GINS3: variants seen among roughly 807,000 people sequenced by gnomAD.
GINS3 encodes DNA replication complex GINS protein PSF3.
GINS3 carries 18 observed loss-of-function variants against 20.0 expected under a neutral mutation model. The ratio of observed to expected loss-of-function variants is 0.90; its 90% CI spans 0.62 to 1.33. The LOEUF is 1.33. Among genes scored for constraint, GINS3 ranks in the 40% most tolerant of loss-of-function variants. GINS3 has a pLI of 0.00. For synonymous variants in GINS3, 109 were observed against 107.0 expected, an observed-to-expected ratio of 1.02 and a Z score of -0.12; for missense variants, 254 against 273.6, an observed-to-expected ratio of 0.93 and a Z score of 0.51.
Position 58,392,652 on chromosome 16 carries a change from G to C in GINS3, c.51G>C (p.Glu17Asp). Reference protein sequence around the residue: ...RVESGALGPEENFLSLDDILM... With the variant: ...RVESGALGPEDNFLSLDDILM... ...AGTCGGGTGCGCTGGGGCCTGAGGA[G>C]AACTTTCTTTCTTTGGACGACATCC... Residue 17 changes from glutamate to aspartate, a missense_variant, in exon 1 of 3, where the codon GAG becomes GAC. Glu to Asp is a conservative substitution (Grantham distance 45). Coordinates refer to ENST00000318129, the MANE Select transcript of GINS3 (RefSeq NM_022770.4). 1.2e-6 allele frequency: 2 copies of C among 1,614,250 alleles called. No individual in the cohort carries two copies. The highest frequency in any genetic ancestry group is 8.5e-7 in the Non-Finnish European group (1 of 1,180,042).
At chr16:58,396,442 T>C (rs1240455361) in intron 1 of GINS3, among the ~76,000 whole-genome samples, 5 of 83,714 alleles carry the variant, frequency 6.0e-5, no homozygotes, top group Non-Finnish European at 9.3e-5. Flanking sequence ...GCAGAGGGGC[T>C]CCTCACTTCC....
At chr16:58,396,608 C>T (rs1314623509) in intron 1 of GINS3, among the ~76,000 whole-genome samples, 1 of 10,194 alleles carries the variant, frequency 9.8e-5, no homozygotes, top group Non-Finnish European at 1.8e-4. Context: ...GCTGGCCGGG[C>T]GGGGGGCTGA....
chr16:58,397,280 A>C (rs570684352), intron 1 of GINS3, among the ~76,000 whole-genome samples: 35 of 146,830 alleles, frequency 2.4e-4, no homozygotes, highest in African/African-American at 8.7e-4. Flanking sequence ...CCCACATCTC[A>C]GACGATGGGC....
chr16:58,401,533 C>T (rs991944851), intron 1 of GINS3, among the ~76,000 whole-genome samples: 1 of 152,084 alleles, frequency 6.6e-6, no homozygotes, highest in Non-Finnish European at 1.5e-5. Flanking sequence ...CTGATTGGTC[C>T]GTTTTACAGA....
intron 1 of GINS3, among the ~76,000 whole-genome samples, chr16:58,402,501 G>A (rs1293436994): frequency 6.6e-6 from 1 of 152,142 alleles, no homozygotes; most frequent in African/African-American, 2.4e-5. Flanking sequence ...ATTCAATCCA[G>A]TTGTTTGCCT....
intron 1 of GINS3, among the ~76,000 whole-genome samples, chr16:58,397,860 A>G (rs550027432): frequency 1.8e-4 from 27 of 151,960 alleles, no homozygotes; most frequent in Non-Finnish European, 3.7e-4. Flanking sequence ...GAGCTTGTCT[A>G]AATTTTCAAT....
chr16:58,395,260 T>TG (rs1400191243), intron 1 of GINS3: 8 of 381,644 alleles, frequency 2.1e-5, no homozygotes, highest in Non-Finnish European at 3.2e-5. Context: ...ATTTTTTTTT[T>TG]GTCTAAATTT....
chr16:58,400,592 C>T (rs1450638507), intron 1 of GINS3, among the ~76,000 whole-genome samples: 1 of 152,224 alleles, frequency 6.6e-6, no homozygotes. Flanking sequence ...CAAGGGCCAA[C>T]CTTGCAGCAG....
intron 1 of GINS3, among the ~76,000 whole-genome samples, chr16:58,395,996 G>A (rs1965850313): frequency 6.7e-6 from 1 of 149,652 alleles, no homozygotes; most frequent in African/African-American, 2.5e-5. Flanking sequence ...CAGGGCGGCT[G>A]GCTGGGCAGA....
chr16:58,396,919 GCGGC>G (rs1965880020), intron 1 of GINS3, among the ~76,000 whole-genome samples: 1 of 150,126 alleles, frequency 6.7e-6, no homozygotes, highest in African/African-American at 2.5e-5. Context: ...CCCGGACGGG[GCGGC>G]TGGCCGGGCA....
At chr16:58,396,662 G>A (rs1250526013) in intron 1 of GINS3, among the ~76,000 whole-genome samples, 1 of 115,588 alleles carries the variant, frequency 8.7e-6, no homozygotes, top group Non-Finnish European at 1.8e-5. Context: ...GCCGGGCGGT[G>A]GGCTGACCCC....
chr16:58,400,978 C>G (rs1384619919), intron 1 of GINS3, among the ~76,000 whole-genome samples: 1 of 151,928 alleles, frequency 6.6e-6, no homozygotes. Context: ...CTATGCCTGG[C>G]TAATTTTTGT....
chr16:58,404,765 T>C lies in GINS3; in HGVS notation c.*36T>C. 4.2e-6 allele frequency: 6 copies of C among 1,442,474 alleles called. No individual in the cohort carries two copies. Among genetic ancestry groups the C allele is most frequent in the Non-Finnish European group, 5.8e-6 (6 of 1,032,904 alleles). 89.4% of individuals were successfully genotyped at this position (1,442,474 alleles called of 1,614,324 possible). A position where few individuals can be genotyped will look rare whatever the true frequency, so the allele number is the denominator to read the frequency against. ...AACACAGAATGGCTCCTCACAGACG[T>C]ATCCCTCCGTGTGTCCTTGATAGGA... is the stretch of plus-strand genomic sequence containing the variant. On this transcript the variant is annotated 3_prime_UTR_variant, in exon 3 of 3. Coordinates refer to ENST00000318129, the MANE Select transcript of GINS3 (RefSeq NM_022770.4).
rs1001649055 is a variant in GINS3, at chr16:58,403,492, TATACACAC to T, written c.420+163_420+170del. ...TCTGTCCATTTTATATATTTACATA[TATACACAC>T]ACACACACACACACACACACATTTT... On this transcript the variant is annotated intron_variant, in intron 2 of 2. Transcript: ENST00000318129. 10 of 594,032 alleles carry T rather than the reference TATACACAC, an allele frequency of 1.7e-5. No homozygotes were observed. The African/African-American group carries it at 1.7e-4, about 10-fold the overall frequency. 36.8% of individuals were successfully genotyped at this position (594,032 alleles called of 1,614,324 possible).
In GINS3 at chr16:58,405,836, C is replaced by A. The variant is rs1184330140; in HGVS notation, c.*1107C>A. 1 of 152,220 alleles carries A rather than the reference C, an allele frequency of 6.6e-6. No homozygotes were observed. Among genetic ancestry groups the A allele is most frequent in the Non-Finnish European group, 1.5e-5 (1 of 68,048 alleles). 9.4% of individuals were successfully genotyped at this position (152,220 alleles called of 1,614,324 possible). ...GCAGGGCATCACTGCTTCCCCCTGACACCTCACAACTAGCAAAAATTGTCT... is the reference window on the plus strand; with the variant it reads ...GCAGGGCATCACTGCTTCCCCCTGAAACCTCACAACTAGCAAAAATTGTCT... On this transcript the variant is annotated 3_prime_UTR_variant, in exon 3 of 3. Coordinates refer to ENST00000318129, the MANE Select transcript of GINS3 (RefSeq NM_022770.4).
intron 2 of GINS3, 147 bp from the exon 3 acceptor site, chr16:58,404,352 T>G: frequency 1.6e-6 from 1 of 621,958 alleles, no homozygotes; most frequent in Non-Finnish European, 2.9e-6. Flanking sequence ...ATAACTTACT[T>G]GGGTGCTAGA....
chr16:58,400,176 T>G (rs1191854069), intron 1 of GINS3, among the ~76,000 whole-genome samples: 1 of 152,182 alleles, frequency 6.6e-6, no homozygotes, highest in Admixed American at 6.5e-5. Flanking sequence ...CAGCATATAG[T>G]CACACTCATG....
chr16:58,397,145 C>T (rs1191828579), intron 1 of GINS3, among the ~76,000 whole-genome samples: 15 of 151,150 alleles, frequency 9.9e-5, no homozygotes, highest in African/African-American at 3.7e-4. Flanking sequence ...AGCTGCCGGG[C>T]GGAGGGGCTC....
In GINS3 at chr16:58,395,272, CTTT is replaced by C. The variant is rs111843649; in HGVS notation, c.186+2497_186+2499del. 2.3e-3 allele frequency: 525 copies of C among 229,338 alleles called. 1 individual carries two copies. Among genetic ancestry groups the C allele is most frequent in the African/African-American group, 0.014 (398 of 28,270 alleles). 14.2% of individuals were successfully genotyped at this position (229,338 alleles called of 1,614,324 possible). ...TGTATTTTTTTTTTGTCTAAATTTT[CTTT>C]TTTTTTTTTTTCTATTTGTACATTT... On this transcript the variant is annotated intron_variant, in intron 1 of 2. Coordinates refer to ENST00000318129, the MANE Select transcript of GINS3 (RefSeq NM_022770.4).
Sources: allele counts gnomAD v4.1 joint callset (sites outside exome capture counted in the v4.1 genomes callset), GRCh38; gene constraint gnomAD v4.1.1; transcripts MANE v1.5; gene names NCBI Gene and HGNC (gene_info 2026-07-23, HGNC 2026-07-21).